The following PPP1R42 variants were observed in gnomAD, a reference collection of about 807,000 sequenced individuals.
The protein encoded by PPP1R42 is protein phosphatase 1 regulatory subunit 42, also known as leucine rich repeat containing 67.
Under a neutral mutation model 31.0 loss-of-function variants are expected in PPP1R42, and 34 were observed. That is an observed-to-expected ratio of 1.10 (90% CI 0.83 to 1.46). PPP1R42 has a LOEUF of 1.46. Ranked by LOEUF, PPP1R42 falls within the 40% of genes most tolerant of loss-of-function variation. PPP1R42 has a pLI of 0.00. For synonymous variants in PPP1R42, 103 were observed against 109.8 expected, an observed-to-expected ratio of 0.94 and a Z score of 0.39; for missense variants, 268 against 303.0, an observed-to-expected ratio of 0.88 and a Z score of 0.86.
chr8:67,024,382 C>T (rs1232592164), intron 1 of PPP1R42, among the ~76,000 whole-genome samples: 5 of 151,914 alleles, frequency 3.3e-5, no homozygotes, highest in Admixed American at 6.6e-5. Context: ...GGTGCAATCT[C>T]GGCTCAGGCA....
At chr8:67,010,477 C>G (rs1176716847) in intron 5 of PPP1R42, 1 of 378,774 alleles carries the variant, frequency 2.6e-6, no homozygotes, top group East Asian at 6.1e-5. Context: ...CTTCCCTTCT[C>G]AGAGAAACTA....
rs573846692 is a variant in PPP1R42, at chr8:66,980,903, C to T, written c.802+1146G>A. ...TGTCGCCCAGGCTGGAGTGCAATGGCGCAATCTCAGCTCACTGCAACCTCC... is the reference window on the plus strand; with the variant it reads ...TGTCGCCCAGGCTGGAGTGCAATGGTGCAATCTCAGCTCACTGCAACCTCC... On this transcript the variant is annotated intron_variant, in intron 7 of 7. Coordinates refer to ENST00000685739, the MANE Select transcript of PPP1R42 (RefSeq NM_001364910.1). Among the ~76,000 whole-genome samples, 19 of 151,796 alleles carry T rather than the reference C, an allele frequency of 1.3e-4. No individual in the cohort carries two copies. In the South Asian group the frequency reaches 2.1e-3, roughly 17 times the overall value.
At chr8:67,010,393 A>G (rs1233622029) in intron 5 of PPP1R42, among the ~76,000 whole-genome samples, 1 of 152,202 alleles carries the variant, frequency 6.6e-6, no homozygotes, top group Non-Finnish European at 1.5e-5. Context: ...TCATTGGGAG[A>G]TCAGGCTTAA....
At chr8:66,975,429 C>G (rs974925417) in intron 7 of PPP1R42, among the ~76,000 whole-genome samples, 4 of 152,150 alleles carry the variant, frequency 2.6e-5, no homozygotes, top group African/African-American at 9.7e-5. Context: ...GGGTGGATCA[C>G]TTGAGTTCAG....
At chr8:66,995,840 A>G (rs1431704192) in intron 5 of PPP1R42, among the ~76,000 whole-genome samples, 1 of 152,210 alleles carries the variant, frequency 6.6e-6, no homozygotes, top group Non-Finnish European at 1.5e-5. Flanking sequence ...CAACTTCTTC[A>G]GCTATTTCTA....
chr8:66,987,333 C>T lies in PPP1R42; in HGVS notation c.670+1067G>A, dbSNP rs1019284643. Among the ~76,000 whole-genome samples, 62 of 148,520 alleles carry T rather than the reference C, an allele frequency of 4.2e-4. 1 individual carries two copies. The highest frequency in any genetic ancestry group is 2.1e-4 in the South Asian group (1 of 4,656). ...TTGAGACATTGTCTCACTTCGTCAC[C>T]CAGGCTGGAGTGCAATGGCGTGATC... On this transcript the variant is annotated intron_variant, in intron 6 of 7. Transcript: ENST00000685739.
chr8:66,986,992 C>T (rs1264103556), intron 6 of PPP1R42, among the ~76,000 whole-genome samples: 1 of 152,068 alleles, frequency 6.6e-6, no homozygotes. Flanking sequence ...AATGAAACCC[C>T]GCCTCTACTC....
At chr8:67,014,236 T>A (rs530783408) in intron 3 of PPP1R42, among the ~76,000 whole-genome samples, 190 bp downstream of exon 3, 1 of 152,298 alleles carries the variant, frequency 6.6e-6, no homozygotes, top group South Asian at 2.1e-4. Flanking sequence ...AAATAGAAAT[T>A]GAGGTCTGTT....
intron 6 of PPP1R42, chr8:66,985,098 C>G (rs2130927573): frequency 7.9e-7 from 1 of 1,269,318 alleles, no homozygotes; most frequent in East Asian, 2.3e-5. Context: ...TTAGCTCCTT[C>G]CTAGGAGCAA....
chr8:67,015,415 A>C (rs1180543334), intron 2 of PPP1R42, among the ~76,000 whole-genome samples: 1 of 152,180 alleles, frequency 6.6e-6, no homozygotes, highest in Admixed American at 6.5e-5. Context: ...TCTAATACAT[A>C]GTTAAGTGAA....
At chr8:66,971,203 G>A (rs1814529608) in intron 7 of PPP1R42, 29 of 1,200,246 alleles carry the variant, frequency 2.4e-5, no homozygotes, top group South Asian at 3.9e-5. Context: ...TTTTAAAAAG[G>A]GTATAACAAT....
chr8:66,967,908 C>T (rs918928403), intron 7 of PPP1R42, among the ~76,000 whole-genome samples: 8 of 151,360 alleles, frequency 5.3e-5, no homozygotes, highest in African/African-American at 1.9e-4. Context: ...ACAGTATTCT[C>T]GGTGGATTTT....
chr8:67,008,528 C>T (rs1169202900), intron 5 of PPP1R42, among the ~76,000 whole-genome samples: 9 of 151,106 alleles, frequency 6.0e-5, no homozygotes, highest in Non-Finnish European at 5.9e-5. Flanking sequence ...GCCAACATGG[C>T]GAAACCCCAT....
At chr8:66,998,362 A>C (rs1332601270) in intron 5 of PPP1R42, among the ~76,000 whole-genome samples, 1 of 152,238 alleles carries the variant, frequency 6.6e-6, no homozygotes, top group Non-Finnish European at 1.5e-5. Flanking sequence ...ACTGCTAGTC[A>C]ATGGAAACAC....
At chr8:66,982,821 G>A (rs1443518357) in intron 6 of PPP1R42, among the ~76,000 whole-genome samples, 1 of 152,080 alleles carries the variant, frequency 6.6e-6, no homozygotes, top group Non-Finnish European at 1.5e-5. Context: ...TGTCACCCAG[G>A]CTGGAATGCA....
At chr8:66,982,277 C>T (rs1055617383) in intron 6 of PPP1R42, 97 bp from the exon 7 acceptor site, 13 of 499,458 alleles carry the variant, frequency 2.6e-5, no homozygotes, top group Non-Finnish European at 3.9e-5. Context: ...ACTTAAGTTA[C>T]ACCATAGACT....
At chr8:66,984,173 C>G (rs963014683) in intron 6 of PPP1R42, 3 of 1,590,522 alleles carry the variant, frequency 1.9e-6, no homozygotes, top group African/African-American at 1.3e-5. Context: ...AGCGCAAGGT[C>G]CCAGTAATGT....
intron 1 of PPP1R42, among the ~76,000 whole-genome samples, chr8:67,019,237 C>CTTTTTTT (rs1186280936): frequency 8.7e-5 from 8 of 91,680 alleles, no homozygotes; most frequent in African/African-American, 3.0e-4. Flanking sequence ...TTATGAGCAT[C>CTTTTTTT]TTTTTTTTTT....
chr8:66,983,895 A>G (rs1814923258), intron 6 of PPP1R42, among the ~76,000 whole-genome samples: 1 of 152,200 alleles, frequency 6.6e-6, no homozygotes. Flanking sequence ...TAACTTTACA[A>G]TAAAGGTCAT....
Sources: allele counts gnomAD v4.1 joint callset (sites outside exome capture counted in the v4.1 genomes callset), GRCh38; gene constraint gnomAD v4.1.1; transcripts MANE v1.5; gene names NCBI Gene and HGNC (gene_info 2026-07-23, HGNC 2026-07-21).